Variants in IKZF2 observed in about 807,000 individuals in gnomAD.
IKZF2 encodes the protein zinc finger protein Helios.
A neutral mutation model predicts 49.2 loss-of-function variants in IKZF2; 15 were observed. That is an observed-to-expected ratio of 0.30 (90% confidence interval 0.20 to 0.47). The LOEUF is 0.47. IKZF2 is among the 20% of genes least tolerant of loss of function. The pLI is 1.00. For missense variants in IKZF2, 567 were observed against 664.6 expected, an observed-to-expected ratio of 0.85 and a Z score of 1.61; for synonymous variants, 227 against 221.4, an observed-to-expected ratio of 1.03 and a Z score of -0.23.
At chr2:213,112,505 G>A (rs2059744243) in intron 4 of IKZF2, among the ~76,000 whole-genome samples, 1 of 148,368 alleles carries the variant, frequency 6.7e-6, no homozygotes, top group African/African-American at 2.5e-5. Context: ...CTGTCTCCCA[G>A]TGACAGATTG....
intron 6 of IKZF2, among the ~76,000 whole-genome samples, chr2:213,042,297 C>T (rs1699740998): frequency 6.6e-6 from 1 of 152,170 alleles, no homozygotes; most frequent in South Asian, 2.1e-4. Flanking sequence ...GACTTCTTTT[C>T]TGCCTCAGTG....
chr2:213,141,617 T>A (rs1046138294), intron 4 of IKZF2, among the ~76,000 whole-genome samples: 1 of 151,924 alleles, frequency 6.6e-6, no homozygotes, highest in African/African-American at 2.4e-5. Context: ...ATCCTATTCA[T>A]TTAATAAGTC....
intron 4 of IKZF2, among the ~76,000 whole-genome samples, chr2:213,146,769 GA>G (rs2061088194): frequency 9.4e-6 from 1 of 106,914 alleles, no homozygotes; most frequent in African/African-American, 3.1e-5. Flanking sequence ...CGGGGGGGGG[GA>G]AGGAAAGAGA....
chr2:213,138,928 T>C (rs746558765), intron 4 of IKZF2, among the ~76,000 whole-genome samples: 1 of 152,006 alleles, frequency 6.6e-6, no homozygotes, highest in African/African-American at 2.4e-5. Flanking sequence ...AGTGCTATTT[T>C]CCATCTTCAT....
At position 213,148,543 on chromosome 2, in the gene IKZF2, A is replaced by C. The variant is rs1294521471; in HGVS notation, c.34+53T>G. 4.0e-6 allele frequency: 5 copies of C among 1,240,888 alleles called. No individual in the cohort carries two copies. In the South Asian group the frequency reaches 6.2e-5, roughly 15 times the overall value. The allele number at this position is 1,240,888 out of a possible 1,614,324, so 76.9% of individuals were successfully genotyped here. Reference sequence around the variant, plus strand: ...ATAATCCAGGAATTAAAACACAGGTAATACAAAGGCAACTTTATTACCAAT... The same window carrying C: ...ATAATCCAGGAATTAAAACACAGGTCATACAAAGGCAACTTTATTACCAAT... On this transcript the variant is annotated intron_variant, in intron 3 of 8. Transcript: ENST00000434687.
chr2:213,011,963 T>C (rs1047174784), intron 8 of IKZF2, among the ~76,000 whole-genome samples: 1 of 151,916 alleles, frequency 6.6e-6, no homozygotes, highest in Non-Finnish European at 1.5e-5. Context: ...TGATGAGCCA[T>C]GGAATCTAAG....
At chr2:213,145,957 T>G (rs1412582302) in intron 4 of IKZF2, among the ~76,000 whole-genome samples, 1 of 152,052 alleles carries the variant, frequency 6.6e-6, no homozygotes, top group Non-Finnish European at 1.5e-5. Flanking sequence ...GCACTGTTTA[T>G]TTAAAAAGAT....
intron 4 of IKZF2, among the ~76,000 whole-genome samples, chr2:213,069,989 G>A (rs1026886): frequency 0.89 from 134,740 of 152,112 alleles, 59,859 homozygotes; most frequent in African/African-American, 0.92. Flanking sequence ...TTAATTGTGC[G>A]ATATTTTTAA....
At position 213,000,747 on chromosome 2, in the gene IKZF2, A is replaced by G. The variant is rs576611051; in HGVS notation, c.*6613T>C. 3 of 152,092 alleles carry G rather than the reference A, an allele frequency of 2.0e-5. No individual in the cohort carries two copies. In the Admixed American group the frequency reaches 2.0e-4, roughly 10 times the overall value. The allele number at this position is 152,092 out of a possible 1,614,324, so 9.4% of individuals were successfully genotyped here. Reference sequence around the variant, plus strand: ...AAACTCAGCTAAGTGCTTTGCTTTTATTTAAAAGTTTATTTCTAAAAGGGG... The same window carrying G: ...AAACTCAGCTAAGTGCTTTGCTTTTGTTTAAAAGTTTATTTCTAAAAGGGG... On this transcript the variant is annotated 3_prime_UTR_variant, in exon 9 of 9. Coordinates refer to ENST00000434687, the MANE Select transcript of IKZF2 (RefSeq NM_001387220.1).
intron 4 of IKZF2, among the ~76,000 whole-genome samples, chr2:213,144,542 C>T (rs560798956): frequency 5.9e-5 from 9 of 151,738 alleles, no homozygotes; most frequent in African/African-American, 2.2e-4. Flanking sequence ...TCTGATGGGC[C>T]GAAATACAAT....
chr2:213,100,602 T>C (rs1409683490), intron 4 of IKZF2, among the ~76,000 whole-genome samples: 1 of 152,022 alleles, frequency 6.6e-6, no homozygotes. Context: ...GTTGATCTAA[T>C]ACAAAGCATT....
intron 6 of IKZF2, among the ~76,000 whole-genome samples, chr2:213,022,714 TGGCA>T (rs1165286994): frequency 6.6e-6 from 1 of 152,140 alleles, no homozygotes; most frequent in African/African-American, 2.4e-5. Flanking sequence ...CAAAATTTTG[TGGCA>T]GGTAAGTATA....
chr2:213,135,261 C>T (rs2060615752), intron 4 of IKZF2, among the ~76,000 whole-genome samples: 2 of 152,136 alleles, frequency 1.3e-5, no homozygotes, highest in Admixed American at 1.3e-4. Flanking sequence ...TCAGATGCCA[C>T]AATGTCTCCT....
intron 8 of IKZF2, among the ~76,000 whole-genome samples, chr2:213,012,537 A>T (rs1444942380): frequency 6.6e-6 from 1 of 152,018 alleles, no homozygotes. Context: ...CAAGAACAGA[A>T]AAAAAGTTAC....
intron 8 of IKZF2, among the ~76,000 whole-genome samples, chr2:213,008,502 G>A (rs528844419): frequency 1.4e-4 from 21 of 152,058 alleles, no homozygotes; most frequent in Non-Finnish European, 2.2e-4. Context: ...AAAGTGTTAC[G>A]ATTACAGGCA....
chr2:213,069,566 TC>T (rs1006960546), intron 4 of IKZF2, among the ~76,000 whole-genome samples: 3 of 152,136 alleles, frequency 2.0e-5, no homozygotes, highest in Non-Finnish European at 4.4e-5. Flanking sequence ...GAACTTTAAA[TC>T]TTTTTCCTCT....
At chr2:213,035,921 A>G (rs1462085216) in intron 6 of IKZF2, among the ~76,000 whole-genome samples, 1 of 152,182 alleles carries the variant, frequency 6.6e-6, no homozygotes, top group East Asian at 1.9e-4. Context: ...CCCTAGATTC[A>G]GACAGACCAG....
At chr2:213,110,060 G>C (rs2059650935) in intron 4 of IKZF2, among the ~76,000 whole-genome samples, 1 of 151,934 alleles carries the variant, frequency 6.6e-6, no homozygotes, top group Admixed American at 6.6e-5. Context: ...CAAATTAATG[G>C]ATTACACCAG....
chr2:213,010,540 C>T (rs139353369), intron 8 of IKZF2, among the ~76,000 whole-genome samples: 4 of 152,228 alleles, frequency 2.6e-5, no homozygotes, highest in Non-Finnish European at 5.9e-5. Context: ...ACACAGTCCT[C>T]TTCATAGGGT....
Sources: allele counts gnomAD v4.1 joint callset (sites outside exome capture counted in the v4.1 genomes callset), GRCh38; gene constraint gnomAD v4.1.1; transcripts MANE v1.5; gene names NCBI Gene and HGNC (gene_info 2026-07-23, HGNC 2026-07-21).